KCTD1: variants seen among roughly 807,000 people sequenced by gnomAD.
The protein encoded by KCTD1 is BTB/POZ domain-containing protein KCTD1.
In KCTD1, 24 loss-of-function variants were observed where a neutral mutation model predicts 66.0. That is an observed-to-expected ratio of 0.36 (90% CI 0.26 to 0.51). The LOEUF (loss-of-function observed/expected upper bound fraction) is 0.51, where lower values mean the gene tolerates loss of function less well. Ranked by LOEUF, KCTD1 falls within the 20% of genes least tolerant of loss-of-function variation. The pLI is 0.95. For synonymous variants in KCTD1, 511 were observed against 517.2 expected (o/e 0.99, Z 0.16); for missense variants, 943 against 1,205.2 (o/e 0.78, Z 3.22).
chr18:26,641,418 T>C (rs568061934), upstream of KCTD1, among the ~76,000 whole-genome samples: 1 of 152,366 alleles, frequency 6.6e-6, no homozygotes, highest in Admixed American at 6.5e-5. Context: ...CTGCCCTTTT[T>C]AGCTCAGACA....
At chr18:26,535,084 T>C (rs1322382131) in intron 1 of KCTD1, among the ~76,000 whole-genome samples, 1 of 89,744 alleles carries the variant, frequency 1.1e-5, no homozygotes, top group African/African-American at 4.3e-5. Context: ...GCCAAGGGCA[T>C]CATGGAGGGA....
intron 1 of KCTD1, among the ~76,000 whole-genome samples, chr18:26,567,490 T>TG (rs200188705): frequency 0.045 from 3,047 of 67,594 alleles, 118 homozygotes; most frequent in African/African-American, 0.12. Context: ...TTGTTGTTGT[T>TG]TTTTTTTTTT....
rs1253254723 is a variant in KCTD1, at chr18:26,599,296, T to G, written c.-16+29851A>C. ...CCTTCTCCATTGAATTGTTTGGTGC[T>G]CTTTTAGAAATTCAATTGACTGGGG... On this transcript the variant is annotated intron_variant, in intron 1 of 4. Transcript: ENST00000317932. 7 of 921,002 alleles carry G rather than the reference T, an allele frequency of 7.6e-6. No individual in the cohort carries two copies. In the Admixed American group the frequency reaches 1.9e-4, roughly 25 times the overall value. The allele number at this position is 921,002 out of a possible 1,614,324, so 57.1% of individuals were successfully genotyped here. A position where few individuals can be genotyped will look rare whatever the true frequency, so the allele number is the denominator to read the frequency against.
At chr18:26,516,002 C>A (rs146489383) in intron 1 of KCTD1, among the ~76,000 whole-genome samples, 1 of 151,826 alleles carries the variant, frequency 6.6e-6, no homozygotes, top group East Asian at 1.9e-4. Flanking sequence ...GAGAACACAG[C>A]GGATAAATGC....
At chr18:26,595,633 GCCA>G (rs369942895) in intron 1 of KCTD1, among the ~76,000 whole-genome samples, 40 of 152,280 alleles carry the variant, frequency 2.6e-4, no homozygotes, top group African/African-American at 9.1e-4. Flanking sequence ...CCTGCATTGT[GCCA>G]CCACCACCTA....
Position 26,600,273 on chromosome 18 carries a change from C to T in KCTD1, c.-16+28874G>A, listed in dbSNP as rs1446335233. ...CCTTCCGCTGTGCCAGCTGCCCCTA[C>T]CTTGGGATGCCAGCCTTCAAACCTG... On this transcript the variant is annotated intron_variant, in intron 1 of 4. Coordinates refer to the KCTD1 transcript ENST00000317932. 2.5e-6 allele frequency: 4 copies of T among 1,606,142 alleles called. No homozygotes were observed. In the African/African-American group the frequency reaches 5.4e-5, roughly 21 times the overall value.
At chr18:26,622,825 C>G (rs1431602775) in intron 1 of KCTD1, among the ~76,000 whole-genome samples, 8 of 151,946 alleles carry the variant, frequency 5.3e-5, no homozygotes, top group Non-Finnish European at 1.0e-4. Flanking sequence ...TCAGAGGAGA[C>G]TGAGTGTTGA....
chr18:26,620,366 A>G (rs1217690216), intron 1 of KCTD1, among the ~76,000 whole-genome samples: 1 of 127,886 alleles, frequency 7.8e-6, no homozygotes, highest in Non-Finnish European at 1.7e-5. Flanking sequence ...AAAAAAAAAA[A>G]AAAAAAAAAA....
Position 26,516,107 on chromosome 18 carries a change from G to A in KCTD1, c.1810-14857C>T, listed in dbSNP as rs192732058. Among the ~76,000 whole-genome samples the A allele has an allele frequency of 2.1e-3, 324 of 152,028 alleles. 5 individuals are homozygous for A. Among genetic ancestry groups the A allele is most frequent in the African/African-American group, 7.2e-3 (300 of 41,452 alleles). ...GGCCAAGAAGTGAGAAGAAAGGGAA[G>A]GGGAGCAGGAAGTGAGGAAAGGACA... On this transcript the variant is annotated intron_variant, in intron 1 of 4. Coordinates refer to ENST00000580059, the MANE Select transcript of KCTD1 (RefSeq NM_001142730.3).
intron 1 of KCTD1, among the ~76,000 whole-genome samples, chr18:26,518,642 C>G (rs1430979639): frequency 6.6e-6 from 1 of 152,190 alleles, no homozygotes; most frequent in Non-Finnish European, 1.5e-5. Context: ...TTAAGGGATA[C>G]TTACAAAATG....
chr18:26,646,040 G>A lies in KCTD1; in HGVS notation c.9+11320C>T, dbSNP rs139201869. Among the ~76,000 whole-genome samples, 38 of 152,358 alleles carry A rather than the reference G, an allele frequency of 2.5e-4. No homozygotes were observed. The East Asian group carries it at 7.3e-3, about 29-fold the overall frequency. ...ATAAGTCTTTCATATTAATGCTGAA[G>A]TCATATAGTAAGACTGCAGAAGTTG... is the stretch of plus-strand genomic sequence containing the variant. On this transcript the variant is annotated intron_variant, in intron 1 of 4. Transcript: ENST00000580191.
intron 1 of KCTD1, among the ~76,000 whole-genome samples, chr18:26,568,262 G>C (rs569363361): frequency 6.6e-6 from 1 of 152,098 alleles, no homozygotes; most frequent in East Asian, 1.9e-4. Context: ...TTCCAAGACA[G>C]GGTCTCACTC....
chr18:26,645,719 C>T (rs543486017), intron 1 of KCTD1, among the ~76,000 whole-genome samples: 2 of 152,186 alleles, frequency 1.3e-5, no homozygotes, highest in Admixed American at 1.3e-4. Context: ...TTTTTATTTC[C>T]CTCCAGGAGC....
chr18:26,471,147 C>T (rs183048645), intron 3 of KCTD1, among the ~76,000 whole-genome samples: 5 of 152,062 alleles, frequency 3.3e-5, no homozygotes, highest in African/African-American at 7.2e-5. Context: ...AGTATACAGC[C>T]CCCCCAGGTC....
In KCTD1 at chr18:26,532,677, G is replaced by A. The variant is rs973193680; in HGVS notation, c.1809+14051C>T. Among the ~76,000 whole-genome samples the A allele has an allele frequency of 3.3e-5, 5 of 152,168 alleles. No individual in the cohort carries two copies. The East Asian group carries it at 9.6e-4, about 29-fold the overall frequency. On this transcript the variant is annotated intron_variant, in intron 1 of 4. Coordinates refer to ENST00000580059, the MANE Select transcript of KCTD1 (RefSeq NM_001142730.3). ...CAGGTTGAGGTGGTCAGAGAAGTCT[G>A]GCTCTGGCTTTACGCAGTGCCTTAT... is the stretch of plus-strand genomic sequence containing the variant.
intron 1 of KCTD1, among the ~76,000 whole-genome samples, chr18:26,523,449 G>A (rs1239785306): frequency 6.6e-6 from 1 of 152,112 alleles, no homozygotes; most frequent in African/African-American, 2.4e-5. Context: ...ACCCAAAAGA[G>A]TTATTGTAGG....
At chr18:26,643,685 G>A (rs139187779), upstream of KCTD1, among the ~76,000 whole-genome samples, 876 of 152,226 alleles carry the variant, frequency 5.8e-3, 10 homozygotes, top group South Asian at 0.022. Flanking sequence ...CCTGCTGGCC[G>A]GGTGCGGTGG....
chr18:26,614,021 C>T (rs1016439024), intron 1 of KCTD1, among the ~76,000 whole-genome samples: 2 of 152,198 alleles, frequency 1.3e-5, no homozygotes, highest in African/African-American at 4.8e-5. Context: ...ATTCTTTTCA[C>T]TTGCCCTCTT....
intron 3 of KCTD1, among the ~76,000 whole-genome samples, chr18:26,463,247 G>A (rs1980535188): frequency 6.6e-6 from 1 of 152,108 alleles, no homozygotes; most frequent in African/African-American, 2.4e-5. Context: ...CTTGAGGCCA[G>A]GAGTTCAAGA....
Sources: gnomAD v4.1 joint callset for allele counts (sites outside exome capture counted in the v4.1 genomes callset) on GRCh38, gnomAD v4.1.1 for gene constraint, MANE v1.5 for transcripts, NCBI Gene and HGNC (gene_info 2026-07-23, HGNC 2026-07-21) for gene names.